Variants in LIFR observed in about 807,000 individuals in gnomAD.
The protein encoded by LIFR is leukemia inhibitory factor receptor.
LIFR carries 84 observed loss-of-function variants against 122.2 expected under a neutral mutation model. The observed-to-expected ratio is 0.69, with a 90% CI of 0.58 to 0.82. LIFR has a LOEUF of 0.82. LIFR is among the 40% of genes least tolerant of loss of function. The probability of loss-of-function intolerance (pLI) is 0.00; values close to 1 mark genes in which losing one functional copy is unlikely to be tolerated. For missense variants in LIFR, 1,294 were observed against 1,311.6 expected (o/e 0.99, Z 0.21); for synonymous variants, 422 against 434.7 (o/e 0.97, Z 0.36).
Position 38,568,898 on chromosome 5 carries a change from A to G in LIFR, c.-20+26363T>C, listed in dbSNP as rs193064723. ...ACAACTGGGCAGAGAAAGAAGTTCA[A>G]CTACAATGTGGTGAGTTCTGAGGCT... On this transcript the variant is annotated intron_variant, in intron 1 of 19. Transcript: ENST00000263409. Among the ~76,000 whole-genome samples the G allele has an allele frequency of 2.4e-3, 371 of 152,322 alleles. 4 individuals carry two copies. The highest frequency in any genetic ancestry group is 8.6e-3 in the African/African-American group (358 of 41,578).
rs1035804265 is a variant in LIFR at position 38,556,454 on chromosome 5, C to G, written c.-140G>C. On this transcript the variant is annotated 5_prime_UTR_variant, in exon 1 of 20. Coordinates refer to ENST00000453190, the MANE Select transcript of LIFR (RefSeq NM_001127671.2). ...GGGCAGGAGCCGCCAAGGAGGGGGC[C>G]GGGCACAATGCGCCGCCGCCTCCGC... 1 of 152,018 alleles carries G rather than the reference C, an allele frequency of 6.6e-6. No homozygotes were observed. Among genetic ancestry groups the G allele is most frequent in the Non-Finnish European group, 1.5e-5 (1 of 68,198 alleles). 9.4% of individuals were successfully genotyped at this position (152,018 alleles called of 1,614,324 possible).
At chr5:38,509,506 C>A (rs1006935936) in intron 7 of LIFR, among the ~76,000 whole-genome samples, 1 of 152,044 alleles carries the variant, frequency 6.6e-6, no homozygotes. Context: ...AAATTCATCA[C>A]GAAGTACTGT....
intron 1 of LIFR, among the ~76,000 whole-genome samples, chr5:38,552,039 T>C (rs1203696568): frequency 6.6e-6 from 1 of 152,180 alleles, no homozygotes; most frequent in Non-Finnish European, 1.5e-5. Context: ...GCTTTTACTA[T>C]ATCAGGACAA....
At chr5:38,509,164 C>T (rs750510103) in intron 7 of LIFR, among the ~76,000 whole-genome samples, 27 of 152,242 alleles carry the variant, frequency 1.8e-4, no homozygotes, top group Non-Finnish European at 3.2e-4. Flanking sequence ...AAACAGTGCA[C>T]AGTCTCATTT....
chr5:38,481,339 AC>A lies in LIFR; in HGVS notation c.*255del, dbSNP rs1743973182. ...TTGAAATGCTTCTTGAAGGTAGAGT[AC>A]ATGAGAATTCTTTGGCTTGATCACA... is the stretch of plus-strand genomic sequence containing the variant. On this transcript the variant is annotated 3_prime_UTR_variant, in exon 20 of 20. Coordinates refer to ENST00000453190, the MANE Select transcript of LIFR (RefSeq NM_001127671.2). The A allele has an allele frequency of 1.8e-6, 1 of 548,074 alleles. No individual in the cohort carries two copies. The highest frequency in any genetic ancestry group is 1.9e-5 in the African/African-American group (1 of 53,186). 34.0% of individuals were successfully genotyped at this position (548,074 alleles called of 1,614,324 possible). A position where few individuals can be genotyped will look rare whatever the true frequency, so the allele number is the denominator to read the frequency against.
intron 7 of LIFR, among the ~76,000 whole-genome samples, chr5:38,509,874 G>A (rs1580072136): frequency 6.6e-6 from 1 of 152,254 alleles, no homozygotes; most frequent in East Asian, 1.9e-4. Context: ...GAAATACCAT[G>A]GAATTTTAGA....
In LIFR at chr5:38,482,211, C is replaced by T. The variant is rs1275684756; in HGVS notation, c.2678G>A (p.Ser893Asn). The change falls in exon 20 of 20, where the codon AGT becomes AAT. Residue 893 changes from serine (S) to asparagine (N), a missense_variant. Physicochemically the swap from Ser to Asn is conservative, Grantham distance 46 (BLOSUM62 1). Transcript: ENST00000453190. ...QFQKSVCEGS[S>N]ALKTLEMNPC... ...ATTCATTTCCAATGTTTTAAGAGCA[C>T]TGCTTCCCTAGAAATAAATTTAAAC... 5 of 1,604,400 alleles carry T rather than the reference C, an allele frequency of 3.1e-6. No individual in the cohort carries two copies. The highest frequency in any genetic ancestry group is 4.2e-6 in the Non-Finnish European group (5 of 1,177,580).
chr5:38,529,147 C>T (rs1461609617), intron 2 of LIFR, among the ~76,000 whole-genome samples: 1 of 151,940 alleles, frequency 6.6e-6, no homozygotes, highest in Non-Finnish European at 1.5e-5. Flanking sequence ...AATTCCACTT[C>T]CAAGCAACTA....
intron 9 of LIFR, among the ~76,000 whole-genome samples, chr5:38,505,196 TATG>T (rs1198015512): frequency 6.6e-6 from 1 of 152,054 alleles, no homozygotes; most frequent in African/African-American, 2.4e-5. Flanking sequence ...CTGCATACTG[TATG>T]ATTTTACTTA....
intron 11 of LIFR, among the ~76,000 whole-genome samples, chr5:38,501,109 C>G (rs1287733538): frequency 6.6e-6 from 1 of 152,180 alleles, no homozygotes; most frequent in Non-Finnish European, 1.5e-5. Flanking sequence ...TCAGAGAGAT[C>G]CAGCTAAGCT....
rs200270315 is a variant in LIFR, at chr5:38,489,129, A to G, written c.2284T>C (p.Tyr762His). 7.8e-5 allele frequency: 126 copies of G among 1,612,994 alleles called. No individual in the cohort carries two copies. The highest frequency in any genetic ancestry group is 4.9e-4 in the Middle Eastern group (3 of 6,078). Residue 762 changes from tyrosine to histidine, a missense_variant, in exon 16 of 20, where the codon TAC (tyrosine) becomes CAC (histidine). Coordinates refer to ENST00000453190, the MANE Select transcript of LIFR (RefSeq NM_001127671.2). ...LRGFLRGYLF[Y>H]FGKGERDTSK... ...GTGTCTCTTTCTCCTTTTCCAAAGT[A>G]AAACAAATATCCTCTTAAAAAGCCT...
Position 38,549,249 on chromosome 5 carries a change from T to C in LIFR, c.-20+7085A>G, listed in dbSNP as rs554394384. Reference sequence around the variant, plus strand: ...ATTTTACTACATAATATGTAGAAAATTGTACACACACACACACACACACAC... The same window carrying C: ...ATTTTACTACATAATATGTAGAAAACTGTACACACACACACACACACACAC... On this transcript the variant is annotated intron_variant, in intron 1 of 19. Coordinates refer to ENST00000453190, the MANE Select transcript of LIFR (RefSeq NM_001127671.2). Among the ~76,000 whole-genome samples, 446 of 98,852 alleles carry C rather than the reference T, an allele frequency of 4.5e-3. 4 individuals are homozygous for C. The highest frequency in any genetic ancestry group is 0.016 in the African/African-American group (423 of 26,010). 64.9% of individuals were successfully genotyped at this position (98,852 alleles called of 152,430 possible). A position where few individuals can be genotyped will look rare whatever the true frequency, so the allele number is the denominator to read the frequency against.
chr5:38,556,723 T>G (rs1244024493), upstream of LIFR: 4 of 83,184 alleles, frequency 4.8e-5, no homozygotes, highest in South Asian at 8.5e-4. Flanking sequence ...GACCCGCCCC[T>G]GCCCCCGGCC....
intron 1 of LIFR, among the ~76,000 whole-genome samples, chr5:38,551,285 C>T (rs1748186378): frequency 6.6e-6 from 1 of 152,184 alleles, no homozygotes; most frequent in Non-Finnish European, 1.5e-5. Context: ...ATGCAGCAGG[C>T]GCCTTAGTGC....
intron 1 of LIFR, among the ~76,000 whole-genome samples, chr5:38,588,394 A>G (rs1749817076): frequency 6.6e-6 from 1 of 152,222 alleles, no homozygotes; most frequent in Non-Finnish European, 1.5e-5. Flanking sequence ...AGGACACTGT[A>G]TGCAGGATGA....
chr5:38,565,867 A>C (rs982199623), intron 1 of LIFR, among the ~76,000 whole-genome samples: 3 of 152,228 alleles, frequency 2.0e-5, no homozygotes, highest in Non-Finnish European at 4.4e-5. Flanking sequence ...TACAGGCGTG[A>C]GCCACTGCTC....
intron 1 of LIFR, among the ~76,000 whole-genome samples, chr5:38,562,117 C>G (rs889624914): frequency 6.6e-6 from 1 of 152,146 alleles, no homozygotes; most frequent in Non-Finnish European, 1.5e-5. Context: ...CTCTCTTTCC[C>G]GAGTGAACTC....
Position 38,477,701 on chromosome 5 carries a change from A to G in LIFR, c.*3894T>C. The G allele has an allele frequency of 4.6e-6, 1 of 218,162 alleles. No individual in the cohort carries two copies. The highest frequency in any genetic ancestry group is 9.2e-6 in the Non-Finnish European group (1 of 108,248). The allele number at this position is 218,162 out of a possible 1,614,324, so 13.5% of individuals were successfully genotyped here. ...GAGTCAATAGTCTCAGATCCACACA[A>G]GCTAGATTTTGGTGTGTATCACCCT... On this transcript the variant is annotated 3_prime_UTR_variant, in exon 20 of 20. Coordinates refer to ENST00000453190, the MANE Select transcript of LIFR (RefSeq NM_001127671.2).
intron 1 of LIFR, among the ~76,000 whole-genome samples, chr5:38,539,849 T>C (rs541223467): frequency 6.6e-6 from 1 of 152,218 alleles, no homozygotes; most frequent in African/African-American, 2.4e-5. Context: ...ATTATTTAAA[T>C]ACTGTTTATT....
Sources: gnomAD v4.1 joint callset for allele counts (sites outside exome capture counted in the v4.1 genomes callset) on GRCh38, gnomAD v4.1.1 for gene constraint, MANE v1.5 for transcripts, NCBI Gene and HGNC (gene_info 2026-07-23, HGNC 2026-07-21) for gene names.